WNK1: variants seen among roughly 807,000 people sequenced by gnomAD.
WNK1 encodes the protein WNK lysine deficient protein kinase 1, also known as serine/threonine-protein kinase WNK1.
WNK1 carries 38 observed loss-of-function variants against 222.8 expected under a neutral mutation model. The observed-to-expected ratio is 0.17, with a 90% confidence interval of 0.13 to 0.22. The LOEUF is 0.22. WNK1 is among the 10% of genes least tolerant of loss of function. WNK1 has a pLI of 1.00. For missense variants in WNK1, 2,348 were observed against 2,918.4 expected, an observed-to-expected ratio of 0.80 and a Z score of 4.50; for synonymous variants, 1,090 against 1,092.9, an observed-to-expected ratio of 1.00 and a Z score of 0.05.
rs532653088 is a variant in WNK1, at chr12:754,528, C to T, written c.759+204C>T. Among the ~76,000 whole-genome samples the T allele has an allele frequency of 5.3e-5, 8 of 152,284 alleles. No individual in the cohort carries two copies. The East Asian group carries it at 1.2e-3, about 22-fold the overall frequency. On this transcript the variant is annotated intron_variant, in intron 1 of 27. Transcript: ENST00000315939. Reference sequence around the variant, plus strand: ...GGATAGGATAAGAATTATTGGTAGCCAGAGGGATTTGCTACCGGGCAGCGG... The same window carrying T: ...GGATAGGATAAGAATTATTGGTAGCTAGAGGGATTTGCTACCGGGCAGCGG...
intron 19 of WNK1, 76 bp downstream of exon 19, chr12:886,160 C>A: frequency 7.8e-7 from 1 of 1,289,914 alleles, no homozygotes; most frequent in South Asian, 1.5e-5. Context: ...TTTTTCACTT[C>A]AGCCTTGTAA....
At position 827,749 on chromosome 12, in the gene WNK1, G is replaced by A. The variant is rs1421133754; in HGVS notation, c.1153+487G>A. Among the ~76,000 whole-genome samples, 33 of 151,880 alleles carry A rather than the reference G, an allele frequency of 2.2e-4. No individual in the cohort carries two copies. Among genetic ancestry groups the A allele is most frequent in the African/African-American group, 4.8e-5 (2 of 41,374 alleles). On this transcript the variant is annotated intron_variant, in intron 3 of 27. Transcript: ENST00000315939. The surrounding 1 kb of genome is among the most constrained non-coding windows in gnomAD (Gnocchi z 4.6). ...TCACCGTGTTGGCCAGGCTGGTCTCGAACTCCTGGCCTCAAGTGATCCACC... is the reference window on the plus strand; with the variant it reads ...TCACCGTGTTGGCCAGGCTGGTCTCAAACTCCTGGCCTCAAGTGATCCACC...
intron 8 of WNK1, among the ~76,000 whole-genome samples, chr12:870,424 A>G (rs1743606258): frequency 6.6e-6 from 1 of 152,238 alleles, no homozygotes; most frequent in African/African-American, 2.4e-5. Flanking sequence ...GGAATGTGAT[A>G]TTATATCCAT....
chr12:859,120 T>C, intron 5 of WNK1, 125 bp from the exon 6 acceptor site: 1 of 807,590 alleles, frequency 1.2e-6, no homozygotes, highest in Non-Finnish European at 2.1e-6. Context: ...TGAGTTATAC[T>C]TTCCCCTGTA....
Position 880,712 on chromosome 12 carries a change from C to G in WNK1, c.2833-9C>G. On this transcript the variant is annotated splice_polypyrimidine_tract_variant and intron_variant, in intron 11 of 27. Transcript: ENST00000315939. ...CTGCTCTAACTCACCTTCCTCATTT[C>G]TGTCACAGGGCTTCCCACCTCGACT... The G allele has an allele frequency of 6.2e-7, 1 of 1,611,980 alleles. No individual in the cohort carries two copies. The highest frequency in any genetic ancestry group is 8.5e-7 in the Non-Finnish European group (1 of 1,179,602).
chr12:802,760 G>C (rs927647242), intron 1 of WNK1, among the ~76,000 whole-genome samples: 3 of 152,158 alleles, frequency 2.0e-5, no homozygotes, highest in Non-Finnish European at 4.4e-5. Flanking sequence ...AAATGAAAAT[G>C]TTATGATTTA....
intron 1 of WNK1, among the ~76,000 whole-genome samples, chr12:799,829 T>G (rs1426674718): frequency 4.6e-5 from 7 of 152,074 alleles, no homozygotes; most frequent in Non-Finnish European, 1.0e-4. Flanking sequence ...GGATTACAGG[T>G]GCATGCCACC....
At chr12:844,563 A>G (rs549905154) in intron 4 of WNK1, among the ~76,000 whole-genome samples, 1 of 152,312 alleles carries the variant, frequency 6.6e-6, no homozygotes, top group African/African-American at 2.4e-5. Context: ...CGCAGGTGGC[A>G]TGCATTTGTG....
intron 1 of WNK1, among the ~76,000 whole-genome samples, chr12:758,147 C>T (rs912876763): frequency 6.8e-6 from 1 of 145,986 alleles, no homozygotes; most frequent in African/African-American, 2.4e-5. Flanking sequence ...TCACATGATG[C>T]GTTATATGTT....
intron 4 of WNK1, 77 bp downstream of exon 4, chr12:830,237 T>C (rs1204091363): frequency 4.6e-6 from 7 of 1,526,622 alleles, no homozygotes; most frequent in Non-Finnish European, 5.4e-6. Context: ...CATCAAACCA[T>C]GTAAAAGAGG....
chr12:838,765 C>G (rs1355670217), intron 4 of WNK1, among the ~76,000 whole-genome samples: 1 of 152,166 alleles, frequency 6.6e-6, no homozygotes, highest in African/African-American at 2.4e-5. Context: ...AGGACCCACA[C>G]TGCTCCTGGA....
chr12:885,942 C>A lies in WNK1; in HGVS notation c.5138C>A (p.Pro1713Gln). The A allele has an allele frequency of 3.8e-6, 6 of 1,597,604 alleles. No homozygotes were observed. Among genetic ancestry groups the A allele is most frequent in the Non-Finnish European group, 5.1e-6 (6 of 1,171,544 alleles). Residue 1713 changes from proline to glutamine, a missense_variant, in exon 19 of 28, where the codon CCA becomes CAA. Around this residue, in one of 13 missense-constraint regions of WNK1, gnomAD observed 1,144 missense variants for 1,273.6 expected, o/e 0.90. Transcript: ENST00000315939. ...TCTACCACAAGTACTTGCTTACCAC[C>A]AACCAATTTACCACTAGGAACAGTT... ...LTSTTSTCLP[P>Q]TNLPLGTVAL...
chr12:785,824 A>G (rs920084192), intron 1 of WNK1, among the ~76,000 whole-genome samples: 3 of 152,098 alleles, frequency 2.0e-5, no homozygotes, highest in African/African-American at 7.2e-5. Flanking sequence ...TTTTCAAGTA[A>G]TCCCATGAGC....
At chr12:810,478 A>G (rs1946808223) in intron 1 of WNK1, among the ~76,000 whole-genome samples, 1 of 152,204 alleles carries the variant, frequency 6.6e-6, no homozygotes, top group South Asian at 2.1e-4. Context: ...TGTTAATAAG[A>G]CTTGAGGACC....
At chr12:825,011 G>C (rs939477632) in intron 2 of WNK1, among the ~76,000 whole-genome samples, 4 of 152,132 alleles carry the variant, frequency 2.6e-5, no homozygotes, top group Non-Finnish European at 5.9e-5. Flanking sequence ...CATTTCGTTA[G>C]AGTTCCAGTA....
intron 1 of WNK1, among the ~76,000 whole-genome samples, chr12:777,185 A>T (rs1166272963): frequency 2.2e-5 from 3 of 136,056 alleles, no homozygotes; most frequent in Admixed American, 1.5e-4. Flanking sequence ...TTTTTTTGAG[A>T]TGGAGTCTCG....
rs1336329310 is a variant in WNK1 at position 753,516 on chromosome 12, C to G, written c.-50C>G. 1.2e-6 allele frequency: 2 copies of G among 1,609,766 alleles called. No individual in the cohort carries two copies. The highest frequency in any genetic ancestry group is 1.7e-6 in the Non-Finnish European group (2 of 1,179,446). On this transcript the variant is annotated 5_prime_UTR_variant, in exon 1 of 28. Transcript: ENST00000315939. This position sits in a 1 kb window ranked among gnomAD's most constrained non-coding sequence, Gnocchi z 5.2. The stretch of plus-strand genomic sequence containing the variant: ...CGCGGGCGGCTCGGCCCTTCACGCC[C>G]TTTTCGTTCACGAATCCGAGCCCGC...
intron 19 of WNK1, 33 bp from the exon 20 acceptor site, chr12:887,188 T>G: frequency 6.2e-7 from 1 of 1,603,240 alleles, no homozygotes; most frequent in Non-Finnish European, 8.5e-7. Flanking sequence ...ATTTAGCGTC[T>G]CACGGACTTG....
intron 25 of WNK1, among the ~76,000 whole-genome samples, chr12:900,020 T>TTC (rs1555160434): frequency 9.7e-5 from 14 of 145,054 alleles, no homozygotes; most frequent in East Asian, 2.0e-4. Flanking sequence ...TCTTTTCTTT[T>TTC]TTTTTTTTTT....
Sources: gnomAD v4.1 joint callset for allele counts (sites outside exome capture counted in the v4.1 genomes callset) on GRCh38, gnomAD v4.1.1 for gene constraint, gnomAD v4.1.1 regional missense constraint, Gnocchi (gnomAD v3.1) non-coding constraint, MANE v1.5 for transcripts, NCBI Gene and HGNC (gene_info 2026-07-23, HGNC 2026-07-21) for gene names.